The following AAK1 variants were observed in gnomAD, a reference collection of about 807,000 sequenced individuals.
AAK1 encodes AP2 associated kinase 1.
Under a neutral mutation model 116.0 loss-of-function variants are expected in AAK1, and 37 were observed. The ratio of observed to expected loss-of-function variants is 0.32; its 90% CI spans 0.25 to 0.42. The LOEUF (loss-of-function observed/expected upper bound fraction) is 0.42. AAK1 is among the 10% of genes least tolerant of loss of function. The pLI is 1.00. For missense variants in AAK1, 919 were observed against 1,170.6 expected (o/e 0.79, Z 3.14); for synonymous variants, 458 against 439.9 (o/e 1.04, Z -0.51).
intron 2 of AAK1, among the ~76,000 whole-genome samples, chr2:69,575,343 C>T (rs1359624159): frequency 6.6e-6 from 1 of 151,700 alleles, no homozygotes; most frequent in Non-Finnish European, 1.5e-5. Context: ...GAATGAGGCA[C>T]TTGCTAGGGG....
intron 3 of AAK1, among the ~76,000 whole-genome samples, chr2:69,547,479 C>G (rs2105063342): frequency 1.3e-5 from 2 of 152,138 alleles, no homozygotes; most frequent in South Asian, 4.1e-4. Flanking sequence ...TTCCAAAGAG[C>G]ATATACAAAT....
At chr2:69,606,488 T>C (rs1332908684) in intron 2 of AAK1, among the ~76,000 whole-genome samples, 3 of 152,092 alleles carry the variant, frequency 2.0e-5, no homozygotes, top group South Asian at 2.1e-4. Context: ...CAGCAACTTC[T>C]TGAATGAATG....
At chr2:69,583,302 T>C (rs1242701720) in intron 2 of AAK1, among the ~76,000 whole-genome samples, 2 of 152,188 alleles carry the variant, frequency 1.3e-5, no homozygotes, top group African/African-American at 4.8e-5. Flanking sequence ...AAAGACAACA[T>C]TGCTTTCACA....
intron 2 of AAK1, among the ~76,000 whole-genome samples, chr2:69,621,394 G>A (rs995103102): frequency 1.2e-4 from 18 of 151,890 alleles, no homozygotes; most frequent in African/African-American, 3.6e-4. Flanking sequence ...CAGAAGAATC[G>A]CTTGAAAAAA....
Position 69,496,097 on chromosome 2 carries a change from G to C in AAK1, c.2270-17C>G, listed in dbSNP as rs150890965. Reference sequence around the variant, plus strand: ...TTTTTTCAGCTGGAGTTAGGTTGGAGGGGAAGGAGGAGTCAGGAGAGAAAA... The same window carrying C: ...TTTTTTCAGCTGGAGTTAGGTTGGACGGGAAGGAGGAGTCAGGAGAGAAAA... On this transcript the variant is annotated splice_polypyrimidine_tract_variant and intron_variant, in intron 16 of 21. Transcript: ENST00000409085. The C allele has an allele frequency of 3.2e-6, 5 of 1,541,078 alleles. No individual in the cohort carries two copies. In the South Asian group the frequency reaches 6.0e-5, roughly 18 times the overall value.
chr2:69,601,475 A>G (rs1035726032), intron 2 of AAK1, among the ~76,000 whole-genome samples: 1 of 152,234 alleles, frequency 6.6e-6, no homozygotes, highest in Non-Finnish European at 1.5e-5. Flanking sequence ...AGAGCCAAAG[A>G]TAGAACAGAG....
At chr2:69,609,527 C>CA (rs1414903810) in intron 2 of AAK1, among the ~76,000 whole-genome samples, 3 of 151,044 alleles carry the variant, frequency 2.0e-5, no homozygotes, top group African/African-American at 7.3e-5. Flanking sequence ...ACTAAAAATA[C>CA]AAAAATTAGT....
At chr2:69,481,095 A>C in intron 18 of AAK1, 134 bp from the exon 19 acceptor site, 1 of 757,918 alleles carries the variant, frequency 1.3e-6, no homozygotes, top group Non-Finnish European at 2.0e-6. Flanking sequence ...TCCTGAGCTC[A>C]AGCGATCTAT....
In AAK1 at chr2:69,465,796, A is replaced by C; in HGVS notation, c.*10073T>G. ...TGGTCTGCTGCTTGTACAGAATGGGACAGGAGGTTAGACTGTTGCACAAAA... is the reference window on the plus strand; with the variant it reads ...TGGTCTGCTGCTTGTACAGAATGGGCCAGGAGGTTAGACTGTTGCACAAAA... On this transcript the variant is annotated 3_prime_UTR_variant, in exon 22 of 22. Coordinates refer to ENST00000409085, the MANE Select transcript of AAK1 (RefSeq NM_014911.5). 7.7e-7 allele frequency: 1 copy of C among 1,290,750 alleles called. No homozygotes were observed. 80.0% of individuals were successfully genotyped at this position (1,290,750 alleles called of 1,614,324 possible). A position where few individuals can be genotyped will look rare whatever the true frequency, so the allele number is the denominator to read the frequency against.
rs942026741 is a variant in AAK1 at position 69,521,062 on chromosome 2, C to T, written c.1056-74G>A. 5.3e-6 allele frequency: 8 copies of T among 1,522,396 alleles called. No individual in the cohort carries two copies. In the Admixed American group the frequency reaches 1.4e-4, roughly 27 times the overall value. 94.3% of individuals were successfully genotyped at this position (1,522,396 alleles called of 1,614,324 possible). A position where few individuals can be genotyped will look rare whatever the true frequency, so the allele number is the denominator to read the frequency against. ...AAGGGAGTGGGCAGAGGACACAATG[C>T]TTCCGCTTCCACATCGACCCAAACC... On this transcript the variant is annotated intron_variant, in intron 10 of 21. Transcript: ENST00000409085.
chr2:69,529,011 T>G (rs1389445907), intron 8 of AAK1, among the ~76,000 whole-genome samples: 1 of 152,212 alleles, frequency 6.6e-6, no homozygotes, highest in Non-Finnish European at 1.5e-5. Context: ...TGTTAATAAA[T>G]GGAAGAGGCT....
rs538276702 is a variant in AAK1, at chr2:69,540,121, C to CTTTTTTTT, written c.534+2394_534+2401dup. 4.7e-5 allele frequency among the ~76,000 whole-genome samples: 6 copies of CTTTTTTTT among 127,818 alleles called. 2 individuals are homozygous for CTTTTTTTT. The highest frequency in any genetic ancestry group is 6.2e-5 in the African/African-American group (2 of 32,312). 83.9% of individuals were successfully genotyped at this position (127,818 alleles called of 152,430 possible). A position where few individuals can be genotyped will look rare whatever the true frequency, so the allele number is the denominator to read the frequency against. Reference sequence around the variant, plus strand: ...AACATGCATTCCCTGCCCCACTTGCCTTTTTTTTTTTTTTTTTTGAGACAG... The same window carrying CTTTTTTTT: ...AACATGCATTCCCTGCCCCACTTGCCTTTTTTTTTTTTTTTTTTTTTTTTTTGAGACAG... On this transcript the variant is annotated intron_variant, in intron 5 of 21. Coordinates refer to ENST00000409085, the MANE Select transcript of AAK1 (RefSeq NM_014911.5).
chr2:69,625,951 T>C (rs960544936), intron 2 of AAK1, among the ~76,000 whole-genome samples: 1 of 152,178 alleles, frequency 6.6e-6, no homozygotes, highest in African/African-American at 2.4e-5. Context: ...CAGCATTCAA[T>C]AGAAAACAGA....
chr2:69,595,215 C>T (rs368114881), intron 2 of AAK1, among the ~76,000 whole-genome samples: 14 of 152,210 alleles, frequency 9.2e-5, no homozygotes, highest in African/African-American at 3.4e-4. Context: ...CAGGTTCAAG[C>T]GATTCTCCTG....
At position 69,474,200 on chromosome 2, in the gene AAK1, A is replaced by G; in HGVS notation, c.*1669T>C. The G allele has an allele frequency of 1.0e-6, 1 of 985,834 alleles. No homozygotes were observed. The highest frequency in any genetic ancestry group is 1.2e-6 in the Non-Finnish European group (1 of 829,930). The allele number at this position is 985,834 out of a possible 1,614,324, so 61.1% of individuals were successfully genotyped here. A position where few individuals can be genotyped will look rare whatever the true frequency, so the allele number is the denominator to read the frequency against. The stretch of plus-strand genomic sequence containing the variant: ...GCTGTTAAACTTTTTTCCCCCATAA[A>G]GTGCAAATGTGAGGAAGAAGAAACA... On this transcript the variant is annotated 3_prime_UTR_variant, in exon 22 of 22. Coordinates refer to ENST00000409085, the MANE Select transcript of AAK1 (RefSeq NM_014911.5).
intron 2 of AAK1, among the ~76,000 whole-genome samples, chr2:69,624,562 G>A (rs1350001175): frequency 1.3e-5 from 2 of 152,146 alleles, no homozygotes; most frequent in African/African-American, 4.8e-5. Context: ...TTTTTGTCTG[G>A]CTTTATCTTC....
chr2:69,517,876 G>A (rs958920723), intron 12 of AAK1, among the ~76,000 whole-genome samples: 15 of 152,032 alleles, frequency 9.9e-5, no homozygotes, highest in African/African-American at 2.9e-4. Context: ...GTGTAATTCC[G>A]ATGATTTGGG....
chr2:69,512,723 C>T (rs1319392937), intron 13 of AAK1, among the ~76,000 whole-genome samples: 2 of 152,222 alleles, frequency 1.3e-5, no homozygotes, highest in Admixed American at 1.3e-4. Context: ...CCAAAACCAA[C>T]TATCCCAGAG....
At chr2:69,551,485 C>T (rs1456067025) in intron 3 of AAK1, among the ~76,000 whole-genome samples, 1 of 152,190 alleles carries the variant, frequency 6.6e-6, no homozygotes, top group Non-Finnish European at 1.5e-5. Context: ...ATCTTCCACC[C>T]TTTGTAGAAT....
Sources: gnomAD v4.1 joint callset for allele counts (sites outside exome capture counted in the v4.1 genomes callset) on GRCh38, gnomAD v4.1.1 for gene constraint, MANE v1.5 for transcripts, NCBI Gene and HGNC (gene_info 2026-07-23, HGNC 2026-07-21) for gene names.